Variants in HS2ST1 observed in about 807,000 individuals in gnomAD.
HS2ST1 encodes the protein heparan sulfate 2-O-sulfotransferase 1.
In HS2ST1, 18 loss-of-function variants were observed where a neutral mutation model predicts 42.9. That is an observed-to-expected ratio of 0.42 (90% CI 0.29 to 0.62). The LOEUF is 0.62. Among genes scored for constraint, HS2ST1 ranks in the 20% least tolerant of loss-of-function variants. The pLI, the probability that HS2ST1 is intolerant of heterozygous loss-of-function variation, is 0.21. For missense variants in HS2ST1, 334 were observed against 433.8 expected, an observed-to-expected ratio of 0.77 and a Z score of 2.04; for synonymous variants, 146 against 152.9, an observed-to-expected ratio of 0.95 and a Z score of 0.33.
chr1:87,005,231 A>G (rs1039087168), intron 1 of HS2ST1, among the ~76,000 whole-genome samples: 2 of 152,152 alleles, frequency 1.3e-5, no homozygotes, highest in South Asian at 2.1e-4. Flanking sequence ...TCTTCTGTAC[A>G]TGTTGGTTTT....
At chr1:86,957,920 G>A (rs981994196) in intron 1 of HS2ST1, among the ~76,000 whole-genome samples, 2 of 151,708 alleles carry the variant, frequency 1.3e-5, no homozygotes, top group Admixed American at 1.3e-4. Context: ...AGCCTCCTGA[G>A]TAGCTGGGAT....
intron 1 of HS2ST1, among the ~76,000 whole-genome samples, chr1:87,016,802 A>G (rs1649772001): frequency 6.6e-6 from 1 of 151,936 alleles, no homozygotes; most frequent in Non-Finnish European, 1.5e-5. Flanking sequence ...TACCTGTTGG[A>G]ACAGAGAGTT....
At position 87,028,887 on chromosome 1, in the gene HS2ST1, TTTAA is replaced by T. The variant is rs1441938717; in HGVS notation, c.125-44045_125-44042del. Among the ~76,000 whole-genome samples, 5 of 152,286 alleles carry T rather than the reference TTTAA, an allele frequency of 3.3e-5. No homozygotes were observed. The East Asian group carries it at 9.6e-4, about 29-fold the overall frequency. ...AAAAGTATAGTTTCTGATTTTTGTTTTTAATCTCTACTGAAATCAGAGCCTACTT... is the reference window on the plus strand; with the variant it reads ...AAAAGTATAGTTTCTGATTTTTGTTTTCTCTACTGAAATCAGAGCCTACTT... On this transcript the variant is annotated intron_variant, in intron 1 of 6. Transcript: ENST00000370550.
chr1:87,031,523 T>G (rs1010189822), intron 1 of HS2ST1, among the ~76,000 whole-genome samples: 1 of 152,184 alleles, frequency 6.6e-6, no homozygotes, highest in Non-Finnish European at 1.5e-5. Flanking sequence ...TGCAGCTAGC[T>G]TGTGCCAAAA....
chr1:86,972,704 A>T (rs1648273234), intron 1 of HS2ST1, among the ~76,000 whole-genome samples: 2 of 152,230 alleles, frequency 1.3e-5, no homozygotes, highest in African/African-American at 4.8e-5. Flanking sequence ...TTCCTTACAC[A>T]GTTTCATCTA....
chr1:87,005,926 A>C (rs1397748278), intron 1 of HS2ST1, among the ~76,000 whole-genome samples: 2 of 152,184 alleles, frequency 1.3e-5, no homozygotes, highest in Non-Finnish European at 2.9e-5. Flanking sequence ...TACTTCTTCC[A>C]TGTAAAGAAA....
chr1:87,048,040 C>T (rs1650732134), intron 1 of HS2ST1, among the ~76,000 whole-genome samples: 1 of 152,112 alleles, frequency 6.6e-6, no homozygotes, highest in Non-Finnish European at 1.5e-5. Flanking sequence ...GACATCTTAA[C>T]AGTAGTCTTT....
At position 87,059,913 on chromosome 1, in the gene HS2ST1, C is replaced by T. The variant is rs200166190; in HGVS notation, c.125-13021C>T. On this transcript the variant is annotated intron_variant, in intron 1 of 6. Coordinates refer to ENST00000370550, the MANE Select transcript of HS2ST1 (RefSeq NM_012262.4). ...AATAGGTCTCATCTCTATACTTATT[C>T]TGGTACATTTAAAGAAAAACTTAGG... is the stretch of plus-strand genomic sequence containing the variant. 2.6e-4 allele frequency among the ~76,000 whole-genome samples: 39 copies of T among 152,266 alleles called. 1 individual carries two copies. The East Asian group carries it at 7.5e-3, about 29-fold the overall frequency.
intron 1 of HS2ST1, among the ~76,000 whole-genome samples, chr1:87,018,961 T>C (rs1416066756): frequency 6.6e-6 from 1 of 152,250 alleles, no homozygotes; most frequent in Non-Finnish European, 1.5e-5. Flanking sequence ...GCATGGAATA[T>C]AAATGGCTAA....
intron 1 of HS2ST1, among the ~76,000 whole-genome samples, chr1:87,011,097 C>T (rs1649587015): frequency 6.6e-6 from 1 of 151,032 alleles, no homozygotes; most frequent in Non-Finnish European, 1.5e-5. Flanking sequence ...CTTCACATTT[C>T]TTATAGAAAA....
chr1:86,915,047 T>G lies in HS2ST1; in HGVS notation c.11T>G (p.Leu4Arg), dbSNP rs1427291570. ...CGAGCAGCGGGTTTCATGGGGCTCC[T>G]CAGGATTATGATGCCGCCCAAGTTG... MGL[L>R]RIMMPPKLQL... The change falls in exon 1 of 7, where the codon CTC becomes CGC. Residue 4 changes from leucine to arginine, a missense_variant. By Grantham distance (102) the Leu-to-Arg change is moderately radical. Coordinates refer to ENST00000370550, the MANE Select transcript of HS2ST1 (RefSeq NM_012262.4). The G allele has an allele frequency of 6.2e-7, 1 of 1,614,090 alleles. No individual in the cohort carries two copies. Among genetic ancestry groups the G allele is most frequent in the East Asian group, 2.2e-5 (1 of 44,854 alleles).
chr1:87,089,386 C>T (rs1027555587), intron 3 of HS2ST1, among the ~76,000 whole-genome samples: 1 of 151,986 alleles, frequency 6.6e-6, no homozygotes, highest in African/African-American at 2.4e-5. Context: ...CCAGGAAGAT[C>T]GTGTTCTAAC....
intron 1 of HS2ST1, among the ~76,000 whole-genome samples, chr1:86,990,824 ATATATATATATATTTTTTTTT>A (rs1489480103): frequency 7.2e-4 from 12 of 16,748 alleles, no homozygotes; most frequent in Admixed American, 3.5e-3. Flanking sequence ...ATATATATAT[ATATATATATATATTTTTTTTT>A]TTTTTTTTTT....
At chr1:86,964,592 A>G (rs901387919) in intron 1 of HS2ST1, among the ~76,000 whole-genome samples, 4 of 152,278 alleles carry the variant, frequency 2.6e-5, no homozygotes, top group Non-Finnish European at 5.9e-5. Context: ...GCAGCAGTAC[A>G]GTCCAGCTTC....
intron 1 of HS2ST1, among the ~76,000 whole-genome samples, chr1:86,918,388 A>G (rs1660213799): frequency 6.6e-6 from 1 of 152,136 alleles, no homozygotes; most frequent in Admixed American, 6.5e-5. Context: ...ATAGCTGTAT[A>G]ATATTCCAAA....
chr1:86,968,632 C>T (rs1346104236), intron 1 of HS2ST1, among the ~76,000 whole-genome samples: 1 of 152,026 alleles, frequency 6.6e-6, no homozygotes, highest in South Asian at 2.1e-4. Context: ...CTCGGGACTC[C>T]TGGCCTCAAG....
At chr1:86,998,456 A>G (rs1649169168) in intron 1 of HS2ST1, among the ~76,000 whole-genome samples, 1 of 152,234 alleles carries the variant, frequency 6.6e-6, no homozygotes, top group Admixed American at 6.5e-5. Flanking sequence ...AAATAAAGCA[A>G]TACACTGAGC....
intron 2 of HS2ST1, among the ~76,000 whole-genome samples, chr1:87,074,400 A>C (rs968888900): frequency 6.6e-6 from 1 of 152,240 alleles, no homozygotes; most frequent in African/African-American, 2.4e-5. Context: ...GCTTTTCAAA[A>C]TATGCTTTGG....
Position 87,104,672 on chromosome 1 carries a change from A to G in HS2ST1, c.1047A>G (p.Glu349=). ...TCCTCGCACAAAACTTTTTCTATGA[A>G]AAGATTTACCCTAAGTCGAACTGAG... ...LYILAQNFFY[E]KIYPKSN Residue 349 remains glutamate (E), a synonymous_variant, in exon 7 of 7, where the codon GAA becomes GAG. Transcript: ENST00000370550. 1 of 1,610,418 alleles carries G rather than the reference A, an allele frequency of 6.2e-7. No individual in the cohort carries two copies. Among genetic ancestry groups the G allele is most frequent in the Non-Finnish European group, 8.5e-7 (1 of 1,176,650 alleles).
Sources: allele counts gnomAD v4.1 joint callset (sites outside exome capture counted in the v4.1 genomes callset), GRCh38; gene constraint gnomAD v4.1.1; transcripts MANE v1.5; gene names NCBI Gene and HGNC (gene_info 2026-07-23, HGNC 2026-07-21).